The following GYS2 variants were observed in gnomAD, a reference collection of about 807,000 sequenced individuals.
GYS2 encodes glycogen synthase 2.
Under a neutral mutation model 85.6 loss-of-function variants are expected in GYS2, and 80 were observed. The ratio of observed to expected loss-of-function variants is 0.93; its 90% CI spans 0.78 to 1.13. The LOEUF is 1.13. GYS2 is among the 50% of genes most tolerant of loss of function. The pLI, the probability that GYS2 is intolerant of heterozygous loss-of-function variation, is 0.00. For missense variants in GYS2, 881 were observed against 854.9 expected (o/e 1.03, Z -0.38); for synonymous variants, 328 against 300.7 (o/e 1.09, Z -0.94).
intron 2 of GYS2, 145 bp from the exon 3 acceptor site, chr12:21,576,202 G>A: frequency 1.5e-6 from 1 of 687,566 alleles, no homozygotes; most frequent in East Asian, 2.7e-5. Context: ...ATAACATATA[G>A]CCTCTGCTGT....
intron 11 of GYS2, among the ~76,000 whole-genome samples, chr12:21,549,074 G>A (rs1270036004): frequency 6.6e-6 from 1 of 152,168 alleles, no homozygotes; most frequent in Non-Finnish European, 1.5e-5. Flanking sequence ...TGTTGTACCT[G>A]TAGCCATTAC....
At chr12:21,555,599 C>A (rs1565597067) in intron 11 of GYS2, among the ~76,000 whole-genome samples, 6 of 152,208 alleles carry the variant, frequency 3.9e-5, no homozygotes. Context: ...GGAAACTGAT[C>A]TTCAGGTAAG....
intron 15 of GYS2, chr12:21,537,395 G>C (rs1943922596): frequency 1.8e-6 from 1 of 569,868 alleles, no homozygotes; most frequent in South Asian, 2.1e-5. Context: ...TGTGCTAAGT[G>C]TTATATACAT....
rs773264073 is a variant in GYS2 at position 21,560,470 on chromosome 12, A to T, written c.1085T>A (p.Val362Glu). The change falls in exon 8 of 16, where the codon GTG becomes GAG. Residue 362 changes from valine to glutamate, a missense_variant. Coordinates refer to ENST00000261195, the MANE Select transcript of GYS2 (RefSeq NM_021957.4). ...GGCAGGCATAATGAAAAACACCATC[A>T]CTGTGATGTCACTTTTATGCATCTG... The part of the protein sequence containing the change: ...LLRMHKSDIT[V>E]MVFFIMPAKT... 6.5e-7 allele frequency: 1 copy of T among 1,544,368 alleles called. No individual in the cohort carries two copies. The highest frequency in any genetic ancestry group is 1.4e-5 in the African/African-American group (1 of 73,764).
chr12:21,561,126 T>C (rs1276393761), intron 7 of GYS2, among the ~76,000 whole-genome samples: 1 of 152,170 alleles, frequency 6.6e-6, no homozygotes, highest in Non-Finnish European at 1.5e-5. Context: ...GCTTTAAATA[T>C]ACTACTAATA....
At chr12:21,580,811 T>A (rs964907941) in intron 1 of GYS2, among the ~76,000 whole-genome samples, 1 of 152,232 alleles carries the variant, frequency 6.6e-6, no homozygotes, top group African/African-American at 2.4e-5. Context: ...AGAAAGAGTC[T>A]GAAAAGACAA....
chr12:21,554,433 T>C (rs1317397969), intron 11 of GYS2, among the ~76,000 whole-genome samples: 1 of 152,194 alleles, frequency 6.6e-6, no homozygotes. Context: ...GGGCTTTCTC[T>C]AATTAGTCCT....
At chr12:21,538,470 CAT>C (rs2136834210) in intron 15 of GYS2, among the ~76,000 whole-genome samples, 1 of 152,260 alleles carries the variant, frequency 6.6e-6, no homozygotes, top group Non-Finnish European at 1.5e-5. Flanking sequence ...CATAATTGGG[CAT>C]ATTCCTTGCA....
intron 7 of GYS2, among the ~76,000 whole-genome samples, chr12:21,561,265 A>C (rs555737261): frequency 6.6e-6 from 1 of 152,362 alleles, no homozygotes; most frequent in East Asian, 1.9e-4. Flanking sequence ...CTGGCTTAGC[A>C]TCTCTCAAAA....
At position 21,601,652 on chromosome 12, in the gene GYS2, G is replaced by A. The variant is rs1279046098; in HGVS notation, c.121+2820C>T. On this transcript the variant is annotated intron_variant, in intron 1 of 15. Coordinates refer to ENST00000261195, the MANE Select transcript of GYS2 (RefSeq NM_021957.4). ...GGTTAGAAACCACTCCCCATTCCACGGTACACTGTATAGTCTTAGGACACC... is the reference window on the plus strand; with the variant it reads ...GGTTAGAAACCACTCCCCATTCCACAGTACACTGTATAGTCTTAGGACACC... 2.6e-5 allele frequency among the ~76,000 whole-genome samples: 4 copies of A among 152,058 alleles called. No homozygotes were observed. The East Asian group carries it at 7.7e-4, about 29-fold the overall frequency.
At chr12:21,572,906 C>G (rs1429209956) in intron 4 of GYS2, among the ~76,000 whole-genome samples, 2 of 152,142 alleles carry the variant, frequency 1.3e-5, no homozygotes, top group African/African-American at 4.8e-5. Flanking sequence ...AAGTGCACTC[C>G]TCTCCAGGAA....
rs1308300880 is a variant in GYS2, at chr12:21,536,759, A to T, written c.*195T>A. On this transcript the variant is annotated 3_prime_UTR_variant, in exon 16 of 16. Coordinates refer to ENST00000261195, the MANE Select transcript of GYS2 (RefSeq NM_021957.4). ...TGCCTAACTTTATGGGGGAAACAAGAGTTGGGGAAAATAACTTGGATCTTA... is the reference window on the plus strand; with the variant it reads ...TGCCTAACTTTATGGGGGAAACAAGTGTTGGGGAAAATAACTTGGATCTTA... The T allele has an allele frequency of 1.7e-6, 1 of 601,186 alleles. No individual in the cohort carries two copies. The highest frequency in any genetic ancestry group is 2.0e-5 in the South Asian group (1 of 49,632). 37.2% of individuals were successfully genotyped at this position (601,186 alleles called of 1,614,324 possible).
chr12:21,556,344 T>C (rs1322072399), intron 11 of GYS2, among the ~76,000 whole-genome samples: 1 of 152,168 alleles, frequency 6.6e-6, no homozygotes, highest in Non-Finnish European at 1.5e-5. Flanking sequence ...AATTTCTTTG[T>C]ATTTTTTGTA....
At chr12:21,572,689 T>C (rs1944400384) in intron 4 of GYS2, among the ~76,000 whole-genome samples, 1 of 152,160 alleles carries the variant, frequency 6.6e-6, no homozygotes, top group Non-Finnish European at 1.5e-5. Flanking sequence ...CTAAAGACAG[T>C]ATGAAAAATA....
intron 1 of GYS2, among the ~76,000 whole-genome samples, chr12:21,603,169 C>G (rs549729577): frequency 6.6e-6 from 1 of 152,096 alleles, no homozygotes; most frequent in Admixed American, 6.5e-5. Context: ...GAAAAGAATA[C>G]AAAATAATTT....
chr12:21,554,778 A>G lies in GYS2; in HGVS notation c.1422+3422T>C, dbSNP rs1019038662. On this transcript the variant is annotated intron_variant, in intron 11 of 15. Coordinates refer to ENST00000261195, the MANE Select transcript of GYS2 (RefSeq NM_021957.4). ...AGAAGAGATGATAACATCAGGAAGG[A>G]CACAGAGGTATGTAAGTGTTACGTA... Among the ~76,000 whole-genome samples, 4 of 152,336 alleles carry G rather than the reference A, an allele frequency of 2.6e-5. No homozygotes were observed. In the South Asian group the frequency reaches 8.3e-4, roughly 32 times the overall value.
intron 1 of GYS2, among the ~76,000 whole-genome samples, chr12:21,589,131 G>A (rs952184478): frequency 6.6e-6 from 1 of 152,062 alleles, no homozygotes; most frequent in East Asian, 1.9e-4. Context: ...TTGCAACTAT[G>A]CATCTTACTC....
Position 21,536,154 on chromosome 12 carries a change from T to C in GYS2, c.*800A>G, listed in dbSNP as rs1049049599. The C allele has an allele frequency of 3.3e-5, 5 of 152,364 alleles. No individual in the cohort carries two copies. Among genetic ancestry groups the C allele is most frequent in the African/African-American group, 1.2e-4 (5 of 41,594 alleles). The allele number at this position is 152,364 out of a possible 1,614,324, so 9.4% of individuals were successfully genotyped here. A position where few individuals can be genotyped will look rare whatever the true frequency, so the allele number is the denominator to read the frequency against. The stretch of plus-strand genomic sequence containing the variant: ...TTATTTACTTGGATTTAACAACTTA[T>C]CATCTATGAAGAAACAAGGCATTAC... On this transcript the variant is annotated 3_prime_UTR_variant, in exon 16 of 16. Coordinates refer to ENST00000261195, the MANE Select transcript of GYS2 (RefSeq NM_021957.4).
intron 1 of GYS2, among the ~76,000 whole-genome samples, chr12:21,599,706 C>T (rs185833573): frequency 3.5e-4 from 54 of 152,222 alleles, no homozygotes; most frequent in African/African-American, 9.6e-4. Flanking sequence ...CTATGCATCC[C>T]GTGATTGAAG....
Sources: allele counts gnomAD v4.1 joint callset (sites outside exome capture counted in the v4.1 genomes callset), GRCh38; gene constraint gnomAD v4.1.1; transcripts MANE v1.5; gene names NCBI Gene and HGNC (gene_info 2026-07-23, HGNC 2026-07-21).